FBXO15: variants seen among roughly 807,000 people sequenced by gnomAD.
FBXO15 encodes F-box protein 15.
In FBXO15, 30 loss-of-function variants were observed where a neutral mutation model predicts 49.5. That is an observed-to-expected ratio of 0.61 (90% confidence interval 0.45 to 0.82). The LOEUF (loss-of-function observed/expected upper bound fraction) is 0.82. FBXO15 is among the 40% of genes least tolerant of loss of function. FBXO15 has a pLI of 0.00. For synonymous variants in FBXO15, 250 were observed against 232.7 expected (o/e 1.07, Z -0.68); for missense variants, 591 against 631.5 (o/e 0.94, Z 0.69).
At chr18:74,095,819 T>C (rs1913246993) in intron 8 of FBXO15, among the ~76,000 whole-genome samples, 1 of 152,116 alleles carries the variant, frequency 6.6e-6, no homozygotes, top group Non-Finnish European at 1.5e-5. Context: ...AGATCCAACA[T>C]GGTAGCACAG....
intron 8 of FBXO15, among the ~76,000 whole-genome samples, chr18:74,121,814 CAGG>C (rs1227133475): frequency 3.3e-5 from 5 of 152,220 alleles, no homozygotes. Context: ...TCTTCCACCA[CAGG>C]AGATGACTAG....
chr18:74,118,155 G>A (rs185990028), intron 8 of FBXO15, among the ~76,000 whole-genome samples: 54 of 151,926 alleles, frequency 3.6e-4, no homozygotes, highest in African/African-American at 1.2e-3. Flanking sequence ...ATGTAATCAT[G>A]CCCAGCTAAT....
In FBXO15 at chr18:74,112,767, A is replaced by G. The variant is rs145600841; in HGVS notation, c.1138+10601T>C. Among the ~76,000 whole-genome samples, 8 of 152,362 alleles carry G rather than the reference A, an allele frequency of 5.3e-5. No individual in the cohort carries two copies. The East Asian group carries it at 1.3e-3, about 26-fold the overall frequency. ...CCATCTTGGTAGAAAATCCAAAAGA[A>G]TCTAAAAGAATGGCCAAAATCCAGG... On this transcript the variant is annotated intron_variant, in intron 8 of 9. Coordinates refer to ENST00000419743, the MANE Select transcript of FBXO15 (RefSeq NM_001142958.2).
At chr18:74,131,365 C>T (rs1978380311) in intron 3 of FBXO15, among the ~76,000 whole-genome samples, 1 of 152,174 alleles carries the variant, frequency 6.6e-6, no homozygotes. Flanking sequence ...GGTGAGCTGG[C>T]CCAGGTCTGT....
chr18:74,134,660 G>T lies in FBXO15; in HGVS notation c.332+1102C>A, dbSNP rs370535246. On this transcript the variant is annotated intron_variant, in intron 3 of 9. Transcript: ENST00000419743. ...TGGGATTACAGGTGTGAGCCACTGC[G>T]CCTGGCTGGAGAATTTTTAAAATAC... 1.8e-4 allele frequency among the ~76,000 whole-genome samples: 28 copies of T among 152,212 alleles called. No homozygotes were observed. The South Asian group carries it at 2.5e-3, about 14-fold the overall frequency.
chr18:74,128,480 C>T lies in FBXO15; in HGVS notation c.785+925G>A, dbSNP rs535417349. On this transcript the variant is annotated intron_variant, in intron 5 of 9. Transcript: ENST00000419743. ...GAAACCAATGGGTGGAACTGCAGCACGCAAGGATGGTAAGAAAACGACATG... is the reference window on the plus strand; with the variant it reads ...GAAACCAATGGGTGGAACTGCAGCATGCAAGGATGGTAAGAAAACGACATG... Among the ~76,000 whole-genome samples, 20 of 152,118 alleles carry T rather than the reference C, an allele frequency of 1.3e-4. No individual in the cohort carries two copies. The South Asian group carries it at 3.5e-3, about 27-fold the overall frequency.
At chr18:74,085,922 A>G (rs1912716931) in intron 8 of FBXO15, among the ~76,000 whole-genome samples, 1 of 152,232 alleles carries the variant, frequency 6.6e-6, no homozygotes, top group African/African-American at 2.4e-5. Context: ...GGAAATTTAA[A>G]ATTGATTAGA....
intron 1 of FBXO15, among the ~76,000 whole-genome samples, chr18:74,146,580 T>C (rs887445182): frequency 6.6e-6 from 1 of 152,232 alleles, no homozygotes; most frequent in African/African-American, 2.4e-5. Flanking sequence ...AATTCCTGCT[T>C]TTTCTCCTAC....
chr18:74,073,565 C>A lies in FBXO15; in HGVS notation c.1429G>T (p.Val477Leu), dbSNP rs1282624419. ...GTCTCTCTGATCCACACCAGCTCCA[C>A]GTGCACTCTTCCTTCCGCATCAACG... ...DYVDAEGRVH[V>L]ELVWIRETEE... Residue 477 changes from valine to leucine, a missense_variant, in exon 10 of 10, where the codon GTG becomes TTG. Coordinates refer to ENST00000419743, the MANE Select transcript of FBXO15 (RefSeq NM_001142958.2). 5 of 1,614,226 alleles carry A rather than the reference C, an allele frequency of 3.1e-6. No homozygotes were observed. In the South Asian group the frequency reaches 4.4e-5, roughly 14 times the overall value.
At chr18:74,123,990 T>G (rs1190430968) in intron 7 of FBXO15, among the ~76,000 whole-genome samples, 1 of 147,508 alleles carries the variant, frequency 6.8e-6, no homozygotes, top group Admixed American at 6.7e-5. Flanking sequence ...TCTCAGGTAA[T>G]TAAAAAAAAA....
chr18:74,086,239 C>T (rs1299405514), intron 8 of FBXO15, among the ~76,000 whole-genome samples: 1 of 152,000 alleles, frequency 6.6e-6, no homozygotes, highest in Non-Finnish European at 1.5e-5. Flanking sequence ...AAGACAATAA[C>T]ATGATATATA....
intron 8 of FBXO15, among the ~76,000 whole-genome samples, chr18:74,104,178 C>A (rs1023805255): frequency 6.6e-6 from 1 of 151,964 alleles, no homozygotes; most frequent in Non-Finnish European, 1.5e-5. Flanking sequence ...TCTTTATTTG[C>A]GTCTATTCTT....
chr18:74,082,143 A>C (rs1599133410), intron 8 of FBXO15, 92 bp from the exon 9 acceptor site: 30 of 1,388,918 alleles, frequency 2.2e-5, no homozygotes, highest in South Asian at 2.7e-5. Flanking sequence ...AGGATACCTC[A>C]CCCTGGTAAG....
At chr18:74,130,906 G>A (rs544929743) in intron 3 of FBXO15, 1 of 359,692 alleles carries the variant, frequency 2.8e-6, no homozygotes, top group South Asian at 3.4e-5. Context: ...GGTCTCAAGT[G>A]AGTAATCTCA....
At chr18:74,115,862 T>A in intron 8 of FBXO15, among the ~76,000 whole-genome samples, 1 of 152,198 alleles carries the variant, frequency 6.6e-6, no homozygotes, top group Non-Finnish European at 1.5e-5. Flanking sequence ...CTGCAAAAGA[T>A]GTGAAAGATG....
At chr18:74,094,818 C>T (rs539026633) in intron 8 of FBXO15, among the ~76,000 whole-genome samples, 201 of 152,358 alleles carry the variant, frequency 1.3e-3, no homozygotes, top group African/African-American at 4.7e-3. Context: ...GACTTCTCTT[C>T]TCTAGCTATG....
intron 1 of FBXO15, among the ~76,000 whole-genome samples, chr18:74,141,127 A>G (rs1386549181): frequency 6.6e-6 from 1 of 152,212 alleles, no homozygotes; most frequent in Non-Finnish European, 1.5e-5. Flanking sequence ...TTTAGATTCA[A>G]TGAAATAGCA....
chr18:74,119,488 G>T (rs935883506), intron 8 of FBXO15, among the ~76,000 whole-genome samples: 4 of 152,174 alleles, frequency 2.6e-5, no homozygotes, highest in Non-Finnish European at 5.9e-5. Flanking sequence ...GATAGACAGT[G>T]CTATGAAGAA....
rs756559727 is a variant in FBXO15, at chr18:74,135,799, AT to A, written c.294del (p.Cys99ValfsTer2). 3.7e-6 allele frequency: 6 copies of A among 1,612,160 alleles called. No homozygotes were observed. The African/African-American group carries it at 6.7e-5, about 18-fold the overall frequency. On this transcript the variant is annotated frameshift_variant, in exon 3 of 10. Coordinates refer to ENST00000419743, the MANE Select transcript of FBXO15 (RefSeq NM_001142958.2). LOFTEE classifies it high-confidence loss of function. ...YLDAVSLLCT[G>X]CVSRRFYHLA... ...AGATGATAAAAGCGCCTGCTCACAC[AT>A]CCAGTACACAGAAGGCTCACAGCAT...
Sources: gnomAD v4.1 joint callset for allele counts (sites outside exome capture counted in the v4.1 genomes callset) on GRCh38, gnomAD v4.1.1 for gene constraint, MANE v1.5 for transcripts, NCBI Gene and HGNC (gene_info 2026-07-23, HGNC 2026-07-21) for gene names.